Variants in DLGAP2 observed in about 807,000 individuals in gnomAD.
DLGAP2 encodes DLG associated protein 2, also known as disks large-associated protein 2.
Under a neutral mutation model 100.3 loss-of-function variants are expected in DLGAP2, and 26 were observed. The ratio of observed to expected loss-of-function variants is 0.26; its 90% confidence interval spans 0.19 to 0.36. DLGAP2 has a LOEUF of 0.36. Among genes scored for constraint, DLGAP2 ranks in the 10% least tolerant of loss-of-function variants. DLGAP2 has a pLI of 1.00. For missense variants in DLGAP2, 1,858 were observed against 1,453.2 expected (o/e 1.28, Z -4.53); for synonymous variants, 886 against 630.1 (o/e 1.41, Z -6.08).
intron 3 of DLGAP2, chr8:1,381,400 C>T (rs1012849890): frequency 4.6e-5 from 7 of 152,310 alleles, no homozygotes; most frequent in South Asian, 4.1e-4. Flanking sequence ...TTGAACTGAG[C>T]GTAACTCTTT....
chr8:1,221,214 T>C (rs948394768), intron 2 of DLGAP2, among the ~76,000 whole-genome samples: 2 of 152,226 alleles, frequency 1.3e-5, no homozygotes, highest in African/African-American at 4.8e-5. Context: ...TACTTATGTG[T>C]GTTTTTGTGG....
chr8:847,127 A>G (rs943913945), intron 1 of DLGAP2, among the ~76,000 whole-genome samples: 2 of 152,184 alleles, frequency 1.3e-5, no homozygotes, highest in African/African-American at 2.4e-5. Flanking sequence ...TCTTTGTGGA[A>G]AGATTTTAAA....
Position 1,623,365 on chromosome 8 carries a change from C to A in DLGAP2, c.1443-3375C>A, listed in dbSNP as rs533142027. Among the ~76,000 whole-genome samples, 75 of 146,052 alleles carry A rather than the reference C, an allele frequency of 5.1e-4. 1 individual carries two copies. The highest frequency in any genetic ancestry group is 1.8e-3 in the African/African-American group (69 of 39,022). On this transcript the variant is annotated intron_variant, in intron 6 of 14. Coordinates refer to ENST00000637795, the MANE Select transcript of DLGAP2 (RefSeq NM_001346810.2). ...GTGTGTGAAGACCTGTGCGTGATGA[C>A]CTGGAACCAGTGCGTGATGACCTGA...
chr8:851,863 C>T (rs1266285179), intron 1 of DLGAP2, among the ~76,000 whole-genome samples: 2 of 121,406 alleles, frequency 1.6e-5, no homozygotes, highest in African/African-American at 5.2e-5. Flanking sequence ...CTGCAGGGGG[C>T]CCCCGCTGCG....
chr8:1,408,192 G>A (rs1166086631), intron 3 of DLGAP2, among the ~76,000 whole-genome samples: 1 of 152,206 alleles, frequency 6.6e-6, no homozygotes, highest in Non-Finnish European at 1.5e-5. Flanking sequence ...CGTAGTTGAA[G>A]AACACAGGAA....
rs1801398234 is a variant in DLGAP2, at chr8:1,340,736, C to G, written c.106+81853C>G. On this transcript the variant is annotated intron_variant, in intron 3 of 14. Transcript: ENST00000637795. The stretch of plus-strand genomic sequence containing the variant: ...GCAATGCCATTAGTGGGTATAGACC[C>G]AAAGGAATAGAAACCCTTCTGTGAC... Among the ~76,000 whole-genome samples, 2 of 152,250 alleles carry G rather than the reference C, an allele frequency of 1.3e-5. 1 individual carries two copies. The highest frequency in any genetic ancestry group is 4.2e-4 in the South Asian group (2 of 4,802).
intron 3 of DLGAP2, among the ~76,000 whole-genome samples, chr8:1,442,325 C>G (rs1026913936): frequency 1.2e-4 from 18 of 148,588 alleles, no homozygotes; most frequent in Non-Finnish European, 2.2e-4. Context: ...ATGGGTTCAG[C>G]CACTGGGGGA....
At chr8:1,669,903 A>G (rs1488286249) in intron 10 of DLGAP2, 119 bp downstream of exon 10, 10 of 723,692 alleles carry the variant, frequency 1.4e-5, no homozygotes, top group Non-Finnish European at 2.6e-5. Context: ...GCCAGGCACT[A>G]TGCTGGGTGC....
intron 2 of DLGAP2, among the ~76,000 whole-genome samples, chr8:1,197,422 T>C (rs915289089): frequency 2.0e-5 from 3 of 152,316 alleles, no homozygotes; most frequent in African/African-American, 4.8e-5. Context: ...AGGCCCTGGA[T>C]AGAAAATGCT....
chr8:1,083,887 T>C (rs895097263), intron 2 of DLGAP2, among the ~76,000 whole-genome samples: 3 of 152,234 alleles, frequency 2.0e-5, no homozygotes, highest in Non-Finnish European at 4.4e-5. Context: ...AAGTGGCTAA[T>C]AAAGAACTGT....
chr8:1,153,620 A>G (rs920400336), intron 2 of DLGAP2, among the ~76,000 whole-genome samples: 23 of 152,138 alleles, frequency 1.5e-4, no homozygotes, highest in Non-Finnish European at 7.3e-5. Flanking sequence ...GACACAAACC[A>G]ATATTTTTTA....
chr8:738,093 G>A (rs561047946), intron 1 of DLGAP2: 88 of 261,430 alleles, frequency 3.4e-4, no homozygotes, highest in Non-Finnish European at 5.5e-4. Flanking sequence ...GGCTCCGGGG[G>A]TGCGGGAGCG....
intron 3 of DLGAP2, among the ~76,000 whole-genome samples, chr8:1,456,502 G>C (rs1288756855): frequency 2.6e-5 from 4 of 152,086 alleles, no homozygotes; most frequent in Admixed American, 1.3e-4. Context: ...CATAATCCAA[G>C]GATTGTGATA....
At position 1,708,081 on chromosome 8, in the gene DLGAP2, T is replaced by A. The variant is rs1238528835; in HGVS notation, c.*6675T>A. 6.6e-6 allele frequency: 1 copy of A among 152,338 alleles called. No homozygotes were observed. Among genetic ancestry groups the A allele is most frequent in the African/African-American group, 2.4e-5 (1 of 41,466 alleles). 9.4% of individuals were successfully genotyped at this position (152,338 alleles called of 1,614,324 possible). A position where few individuals can be genotyped will look rare whatever the true frequency, so the allele number is the denominator to read the frequency against. ...GCTTTATTTGTGTTCTTTTTTCCCA[T>A]GACTTTTTTTCACTCTCAGCTGACT... On this transcript the variant is annotated 3_prime_UTR_variant, in exon 15 of 15. Transcript: ENST00000637795.
chr8:1,664,772 A>C (rs78580718), intron 8 of DLGAP2, among the ~76,000 whole-genome samples: 1 of 152,212 alleles, frequency 6.6e-6, no homozygotes, highest in East Asian at 1.9e-4. Context: ...TACGAAAGTC[A>C]GTCAGTGATA....
intron 3 of DLGAP2, among the ~76,000 whole-genome samples, chr8:1,370,351 G>C (rs1039987807): frequency 1.3e-5 from 2 of 152,136 alleles, no homozygotes; most frequent in Admixed American, 6.5e-5. Flanking sequence ...CCCTGGGCAG[G>C]TGGGGTTGCA....
At chr8:826,932 C>G (rs1176583766) in intron 1 of DLGAP2, among the ~76,000 whole-genome samples, 1 of 152,212 alleles carries the variant, frequency 6.6e-6, no homozygotes, top group Non-Finnish European at 1.5e-5. Context: ...TCTTTCCATT[C>G]TCTCTCACTA....
chr8:1,075,369 C>T (rs958795679), intron 2 of DLGAP2, among the ~76,000 whole-genome samples: 2 of 152,066 alleles, frequency 1.3e-5, no homozygotes, highest in Non-Finnish European at 2.9e-5. Flanking sequence ...GGAGGAGAAC[C>T]GCGGCTGGGT....
intron 3 of DLGAP2, among the ~76,000 whole-genome samples, chr8:1,422,359 G>A (rs1797114927): frequency 1.3e-5 from 2 of 152,154 alleles, no homozygotes; most frequent in South Asian, 4.1e-4. Context: ...TCCGTCCACT[G>A]CAAGCGAAGT....
Sources: allele counts gnomAD v4.1 joint callset (sites outside exome capture counted in the v4.1 genomes callset), GRCh38; gene constraint gnomAD v4.1.1; transcripts MANE v1.5; gene names NCBI Gene and HGNC (gene_info 2026-07-23, HGNC 2026-07-21).